Variants in M1AP observed in about 807,000 individuals in gnomAD.
The protein encoded by M1AP is meiosis 1 associated protein.
In M1AP, 39 loss-of-function variants were observed where a neutral mutation model predicts 51.2. That is an observed-to-expected ratio of 0.76 (90% CI 0.59 to 1.00). The LOEUF (loss-of-function observed/expected upper bound fraction) is 1.00, where lower values mean the gene tolerates loss of function less well. M1AP is among the 50% of genes least tolerant of loss of function. M1AP has a pLI of 0.00. For synonymous variants in M1AP, 251 were observed against 249.2 expected (o/e 1.01, Z -0.07); for missense variants, 545 against 641.2 (o/e 0.85, Z 1.62).
intron 1 of M1AP, among the ~76,000 whole-genome samples, chr2:74,644,430 C>G (rs934146649): frequency 1.3e-5 from 2 of 151,646 alleles, no homozygotes; most frequent in Admixed American, 6.6e-5. Flanking sequence ...CCCAGCTACT[C>G]AGGAGACTGA....
intron 4 of M1AP, among the ~76,000 whole-genome samples, chr2:74,584,930 C>A (rs2104604416): frequency 6.6e-6 from 1 of 151,652 alleles, no homozygotes; most frequent in Non-Finnish European, 1.5e-5. Context: ...GCAACCTTCA[C>A]CTCCTGGGCT....
At chr2:74,577,241 C>A (rs780039754) in intron 5 of M1AP, among the ~76,000 whole-genome samples, 77 of 152,222 alleles carry the variant, frequency 5.1e-4, no homozygotes, top group Non-Finnish European at 9.9e-4. Flanking sequence ...ACCTTCTGGG[C>A]CTTGGAGCAT....
chr2:74,647,218 G>T, intron 1 of M1AP: 1 of 985,138 alleles, frequency 1.0e-6, no homozygotes. Flanking sequence ...TGTGCCTTCT[G>T]CCCAACTCTC....
chr2:74,625,728 A>C (rs1470808934), intron 2 of M1AP, among the ~76,000 whole-genome samples: 1 of 152,236 alleles, frequency 6.6e-6, no homozygotes, highest in Non-Finnish European at 1.5e-5. Context: ...CCATGCATTC[A>C]GAATTCATAG....
intron 3 of M1AP, among the ~76,000 whole-genome samples, chr2:74,614,725 A>C (rs1681562890): frequency 6.6e-6 from 1 of 152,220 alleles, no homozygotes; most frequent in Non-Finnish European, 1.5e-5. Flanking sequence ...GTTTTTCCTC[A>C]TAATTCACTT....
rs975455169 is a variant in M1AP at position 74,607,265 on chromosome 2, T to C, written c.427-42A>G. The C allele has an allele frequency of 2.5e-6, 4 of 1,591,352 alleles. No homozygotes were observed. The South Asian group carries it at 3.3e-5, about 13-fold the overall frequency. On this transcript the variant is annotated intron_variant, in intron 3 of 10. Transcript: ENST00000421985. ...GAATCAATGTGTCTATTCTCCCTGATGTACAGAGTGAGGAACATAACAGTT... is the reference window on the plus strand; with the variant it reads ...GAATCAATGTGTCTATTCTCCCTGACGTACAGAGTGAGGAACATAACAGTT...
intron 2 of M1AP, among the ~76,000 whole-genome samples, chr2:74,639,335 T>C (rs925830776): frequency 1.3e-5 from 2 of 152,260 alleles, no homozygotes; most frequent in African/African-American, 4.8e-5. Context: ...TGATAACGTA[T>C]ATTAGCAGCA....
intron 2 of M1AP, 135 bp downstream of exon 2, chr2:74,639,901 G>A (rs937080669): frequency 7.9e-6 from 6 of 762,176 alleles, no homozygotes; most frequent in African/African-American, 3.5e-5. Context: ...CTCTCATGGT[G>A]TTACTCGGGG....
intron 2 of M1AP, chr2:74,615,470 G>T: frequency 3.5e-6 from 1 of 288,262 alleles, no homozygotes; most frequent in South Asian, 4.4e-5. Context: ...GGGGTGACCT[G>T]CAAACTGGAG....
At chr2:74,587,653 G>A (rs893354792) in intron 4 of M1AP, among the ~76,000 whole-genome samples, 3 of 152,164 alleles carry the variant, frequency 2.0e-5, no homozygotes, top group Admixed American at 6.5e-5. Flanking sequence ...CTTCTCAGAC[G>A]TTGAAAAACA....
At chr2:74,610,368 CCATTT>C (rs1256102885) in intron 3 of M1AP, among the ~76,000 whole-genome samples, 12 of 151,916 alleles carry the variant, frequency 7.9e-5, no homozygotes, top group Non-Finnish European at 1.6e-4. Flanking sequence ...TGATAAAATT[CCATTT>C]GTCTATTTTT....
At chr2:74,648,066 A>G (rs1195116528) in intron 1 of M1AP, 199 bp downstream of exon 1, 2 of 985,354 alleles carry the variant, frequency 2.0e-6, no homozygotes, top group African/African-American at 1.7e-5. Context: ...GCCGCCCAGA[A>G]CAGTATGCGG....
intron 10 of M1AP, 21 bp from the exon 11 acceptor site, chr2:74,558,895 G>A: frequency 2.6e-6 from 4 of 1,567,488 alleles, no homozygotes; most frequent in Non-Finnish European, 3.4e-6. Context: ...AGCAACCAGA[G>A]CCTTCTCTGA....
At chr2:74,647,973 C>G (rs922205466) in intron 1 of M1AP, 1 of 977,306 alleles carries the variant, frequency 1.0e-6, no homozygotes, top group South Asian at 4.7e-5. Flanking sequence ...TGGCGCCTAC[C>G]GTGCCTGGCG....
intron 7 of M1AP, among the ~76,000 whole-genome samples, chr2:74,564,566 C>T (rs563639141): frequency 1.3e-5 from 2 of 152,292 alleles, no homozygotes; most frequent in South Asian, 2.1e-4. Context: ...TTTATGCGTG[C>T]CTTCAGAAGT....
At chr2:74,625,870 C>T (rs538947557) in intron 2 of M1AP, among the ~76,000 whole-genome samples, 3 of 152,212 alleles carry the variant, frequency 2.0e-5, no homozygotes, top group East Asian at 1.9e-4. Flanking sequence ...TGTTCCTCCC[C>T]GTGAGAAGTT....
At chr2:74,622,379 T>C (rs1166645417) in intron 2 of M1AP, among the ~76,000 whole-genome samples, 3 of 151,840 alleles carry the variant, frequency 2.0e-5, no homozygotes, top group Non-Finnish European at 4.4e-5. Flanking sequence ...GCTGGGATTA[T>C]AGGTGGCTGC....
At chr2:74,584,920 G>C (rs1295541223) in intron 4 of M1AP, among the ~76,000 whole-genome samples, 2 of 151,328 alleles carry the variant, frequency 1.3e-5, no homozygotes, top group African/African-American at 4.9e-5. Context: ...TCAGCTCTCT[G>C]CAACCTTCAC....
chr2:74,576,131 C>A (rs1679052389), intron 6 of M1AP, among the ~76,000 whole-genome samples: 1 of 152,212 alleles, frequency 6.6e-6, no homozygotes, highest in Non-Finnish European at 1.5e-5. Flanking sequence ...AAGGTTGGAT[C>A]TCTGTCTTGA....
Sources: allele counts gnomAD v4.1 joint callset (sites outside exome capture counted in the v4.1 genomes callset), GRCh38; gene constraint gnomAD v4.1.1; transcripts MANE v1.5; gene names NCBI Gene and HGNC (gene_info 2026-07-23, HGNC 2026-07-21).